Variants in NCOA3 observed in about 807,000 individuals in gnomAD.
The protein encoded by NCOA3 is CBP-interacting protein.
In NCOA3, 51 loss-of-function variants were observed where a neutral mutation model predicts 158.8. The ratio of observed to expected loss-of-function variants is 0.32; its 90% CI spans 0.26 to 0.41. The LOEUF is 0.41. Among genes scored for constraint, NCOA3 ranks in the 10% least tolerant of loss-of-function variants. NCOA3 has a pLI of 1.00. For missense variants in NCOA3, 1,510 were observed against 1,746.6 expected (o/e 0.86, Z 2.41); for synonymous variants, 537 against 592.4 (o/e 0.91, Z 1.36).
rs754765634 is a variant in NCOA3, at chr20:47,653,460, G to C, written c.*43G>C. 5.8e-6 allele frequency: 9 copies of C among 1,539,560 alleles called. No homozygotes were observed. In the South Asian group the frequency reaches 1.0e-4, roughly 17 times the overall value. ...CTCTTAAGGAAACCACTGTACAAAT[G>C]ACACTGCACTAGGATTATTGGGAAG... On this transcript the variant is annotated 3_prime_UTR_variant, in exon 23 of 23. Coordinates refer to ENST00000371998, the MANE Select transcript of NCOA3 (RefSeq NM_181659.3).
intron 1 of NCOA3, among the ~76,000 whole-genome samples, chr20:47,506,174 A>AGGCGGGGGAGG: frequency 6.6e-6 from 1 of 152,236 alleles, no homozygotes; most frequent in East Asian, 1.9e-4. Flanking sequence ...TTCAGAATTA[A>AGGCGGGGGAGG]GGTGGAGGAG....
chr20:47,640,130 G>T, intron 16 of NCOA3, 79 bp downstream of exon 16: 1 of 1,574,852 alleles, frequency 6.3e-7, no homozygotes, highest in South Asian at 1.1e-5. Flanking sequence ...AGAAGCAAAC[G>T]TGAAAGAGAA....
chr20:47,516,725 A>G lies in NCOA3; in HGVS notation c.-99+14706A>G, dbSNP rs1023921446. ...CATTTGAGGTCAGGAGTTCAAGACT[A>G]GCCTGGCCAACATGGTAAAACCCTG... On this transcript the variant is annotated intron_variant, in intron 1 of 22. Transcript: ENST00000371998. 3.9e-5 allele frequency among the ~76,000 whole-genome samples: 6 copies of G among 152,116 alleles called. No homozygotes were observed. The South Asian group carries it at 8.3e-4, about 21-fold the overall frequency.
intron 1 of NCOA3, among the ~76,000 whole-genome samples, chr20:47,505,117 A>AGTG (rs200617767): frequency 0.066 from 8,546 of 129,094 alleles, 400 homozygotes; most frequent in Middle Eastern, 0.11. Flanking sequence ...GCTGGAGTGC[A>AGTG]GCGGCGCGAT....
At chr20:47,622,624 C>T (rs1037959368) in intron 3 of NCOA3, among the ~76,000 whole-genome samples, 49 of 152,014 alleles carry the variant, frequency 3.2e-4, no homozygotes, top group African/African-American at 1.0e-3. Context: ...CACGTGCGTC[C>T]GTGTGAAGAG....
At chr20:47,568,147 C>A (rs1351427908) in intron 1 of NCOA3, among the ~76,000 whole-genome samples, 1 of 152,122 alleles carries the variant, frequency 6.6e-6, no homozygotes, top group Non-Finnish European at 1.5e-5. Flanking sequence ...GGAAGAAGAC[C>A]AGGCAACAAG....
At chr20:47,544,316 C>CTTTTTTTTT (rs397866275) in intron 1 of NCOA3, among the ~76,000 whole-genome samples, 132 of 99,638 alleles carry the variant, frequency 1.3e-3, no homozygotes, top group African/African-American at 4.9e-3. Flanking sequence ...TTTAATACTA[C>CTTTTTTTTT]TTTTTTTTTT....
At chr20:47,536,938 G>C (rs1269335379) in intron 1 of NCOA3, among the ~76,000 whole-genome samples, 2 of 151,584 alleles carry the variant, frequency 1.3e-5, no homozygotes, top group African/African-American at 2.4e-5. Context: ...TGAGTAGCTG[G>C]GATTACAGGT....
At chr20:47,650,893 T>TA in intron 19 of NCOA3, 89 bp from the exon 20 acceptor site, 1 of 1,276,510 alleles carries the variant, frequency 7.8e-7, no homozygotes, top group East Asian at 2.3e-5. Flanking sequence ...TTTTCTGTCT[T>TA]ATACCTGGTG....
At chr20:47,547,481 C>T (rs1602383518) in intron 1 of NCOA3, among the ~76,000 whole-genome samples, 2 of 151,792 alleles carry the variant, frequency 1.3e-5, no homozygotes, top group Admixed American at 6.6e-5. Flanking sequence ...GGTGCGATCT[C>T]GGCTTACTGC....
intron 16 of NCOA3, among the ~76,000 whole-genome samples, chr20:47,640,783 G>A (rs944584562): frequency 6.6e-6 from 1 of 151,780 alleles, no homozygotes; most frequent in Non-Finnish European, 1.5e-5. Context: ...AGCTACTCAG[G>A]AGGCTGAGGA....
At chr20:47,621,337 G>A (rs2086237214) in intron 2 of NCOA3, among the ~76,000 whole-genome samples, 1 of 150,600 alleles carries the variant, frequency 6.6e-6, no homozygotes, top group African/African-American at 2.5e-5. Flanking sequence ...TTATAAATCT[G>A]TCTTCCTTCC....
intron 1 of NCOA3, among the ~76,000 whole-genome samples, chr20:47,574,280 T>C (rs1249798825): frequency 6.6e-6 from 1 of 152,148 alleles, no homozygotes; most frequent in Non-Finnish European, 1.5e-5. Context: ...ATTAATTTAA[T>C]TTTTCTAAGA....
At chr20:47,574,457 G>GT (rs2085341869) in intron 1 of NCOA3, among the ~76,000 whole-genome samples, 1 of 150,328 alleles carries the variant, frequency 6.7e-6, no homozygotes, top group Non-Finnish European at 1.5e-5. Context: ...CAGGGAGGTG[G>GT]TTTTTTCTAG....
chr20:47,583,764 TG>T (rs2085489203), intron 2 of NCOA3, among the ~76,000 whole-genome samples: 1 of 152,158 alleles, frequency 6.6e-6, no homozygotes, highest in Non-Finnish European at 1.5e-5. Flanking sequence ...GAGAACAGTC[TG>T]GGCAACAGAG....
chr20:47,600,578 G>T (rs1249409333), intron 2 of NCOA3, among the ~76,000 whole-genome samples: 1 of 151,200 alleles, frequency 6.6e-6, no homozygotes, highest in Non-Finnish European at 1.5e-5. Context: ...TAGTGCAGTG[G>T]TGTGATCTCG....
At chr20:47,582,215 AATTT>A (rs779303824) in intron 1 of NCOA3, among the ~76,000 whole-genome samples, 1 of 148,020 alleles carries the variant, frequency 6.8e-6, no homozygotes, top group Non-Finnish European at 1.5e-5. Flanking sequence ...TTAATTAATT[AATTT>A]ACTTATTTTT....
At chr20:47,625,273 A>G (rs1442009036) in intron 4 of NCOA3, 108 bp from the exon 5 acceptor site, 1 of 686,042 alleles carries the variant, frequency 1.5e-6, no homozygotes, top group Non-Finnish European at 2.6e-6. Context: ...GTATGTATGT[A>G]TGGGCATGTG....
intron 1 of NCOA3, among the ~76,000 whole-genome samples, chr20:47,568,286 G>A (rs2085230955): frequency 6.6e-6 from 1 of 152,040 alleles, no homozygotes; most frequent in Non-Finnish European, 1.5e-5. Flanking sequence ...GGCAGCTACT[G>A]TAAGTCTGTA....
Sources: gnomAD v4.1 joint callset for allele counts (sites outside exome capture counted in the v4.1 genomes callset) on GRCh38, gnomAD v4.1.1 for gene constraint, MANE v1.5 for transcripts, NCBI Gene and HGNC (gene_info 2026-07-23, HGNC 2026-07-21) for gene names.